Variants in TAF4B observed in about 807,000 individuals in gnomAD.
TAF4B encodes the protein transcription initiation factor TFIID subunit 4B.
A neutral mutation model predicts 86.4 loss-of-function variants in TAF4B; 38 were observed. That is an observed-to-expected ratio of 0.44 (90% CI 0.34 to 0.58). The LOEUF (loss-of-function observed/expected upper bound fraction) is 0.58. TAF4B is among the 20% of genes least tolerant of loss of function. The pLI, the probability that TAF4B is intolerant of heterozygous loss-of-function variation, is 0.02. For missense variants in TAF4B, 988 were observed against 1,027.6 expected (o/e 0.96, Z 0.53); for synonymous variants, 388 against 391.2 (o/e 0.99, Z 0.10).
chr18:26,384,885 G>A (rs981390661), intron 14 of TAF4B, among the ~76,000 whole-genome samples: 6 of 152,214 alleles, frequency 3.9e-5, no homozygotes, highest in African/African-American at 1.2e-4. Flanking sequence ...TGCCTATGGA[G>A]GAGACAACGA....
At chr18:26,365,304 G>A (rs2057364730) in intron 14 of TAF4B, among the ~76,000 whole-genome samples, 1 of 152,130 alleles carries the variant, frequency 6.6e-6, no homozygotes, top group Admixed American at 6.5e-5. Context: ...ACCGCACCTG[G>A]CCTATAATTC....
chr18:26,238,737 C>G (rs776603722), intron 1 of TAF4B, among the ~76,000 whole-genome samples: 5 of 152,046 alleles, frequency 3.3e-5, no homozygotes, highest in African/African-American at 4.8e-5. Context: ...TGTCCGTCCC[C>G]CTTCCTCCCA....
intron 14 of TAF4B, among the ~76,000 whole-genome samples, chr18:26,386,276 C>A (rs939271484): frequency 1.3e-5 from 2 of 151,980 alleles, no homozygotes; most frequent in African/African-American, 2.4e-5. Flanking sequence ...TGAACTGTGA[C>A]CCCTTTGTTC....
chr18:26,249,408 G>C (rs2055970794), intron 1 of TAF4B, among the ~76,000 whole-genome samples: 1 of 151,810 alleles, frequency 6.6e-6, no homozygotes, highest in Non-Finnish European at 1.5e-5. Context: ...TTGAACCCAG[G>C]AGCAGAGGTT....
At chr18:26,337,424 C>CTTTTTTTTTTTTTTTTTT (rs551888808) in intron 13 of TAF4B, among the ~76,000 whole-genome samples, 4 of 126,142 alleles carry the variant, frequency 3.2e-5, no homozygotes, top group Non-Finnish European at 3.3e-5. Context: ...TTCTTTCTTT[C>CTTTTTTTTTTTTTTTTTT]TTTTTTTTTT....
At chr18:26,228,782 C>T (rs1054362457) in intron 1 of TAF4B, among the ~76,000 whole-genome samples, 1 of 151,932 alleles carries the variant, frequency 6.6e-6, no homozygotes, top group Non-Finnish European at 1.5e-5. Context: ...CCCTCCCCAA[C>T]CCCCCAAAGA....
intron 13 of TAF4B, among the ~76,000 whole-genome samples, chr18:26,346,565 G>T (rs1361498304): frequency 1.3e-5 from 2 of 151,370 alleles, no homozygotes; most frequent in Non-Finnish European, 2.9e-5. Flanking sequence ...TAGTCAAATT[G>T]TGAAGTCAAA....
chr18:26,314,034 C>T (rs2056877676), intron 9 of TAF4B, among the ~76,000 whole-genome samples: 1 of 152,042 alleles, frequency 6.6e-6, no homozygotes, highest in African/African-American at 2.4e-5. Context: ...CCCCTCATCC[C>T]TAATGTGTTG....
At chr18:26,380,972 A>G (rs543923758) in intron 14 of TAF4B, among the ~76,000 whole-genome samples, 16 of 152,062 alleles carry the variant, frequency 1.1e-4, no homozygotes, top group Non-Finnish European at 1.8e-4. Context: ...TTAGTATTCT[A>G]TGCTACGTTG....
intron 1 of TAF4B, among the ~76,000 whole-genome samples, chr18:26,236,872 C>G (rs1010022742): frequency 1.3e-5 from 2 of 152,178 alleles, no homozygotes; most frequent in African/African-American, 4.8e-5. Context: ...ATATCTGCAG[C>G]TGATTGCATA....
intron 3 of TAF4B, among the ~76,000 whole-genome samples, chr18:26,273,385 A>G (rs1012102134): frequency 1.3e-5 from 2 of 152,184 alleles, no homozygotes; most frequent in African/African-American, 4.8e-5. Context: ...TGCAAACAAG[A>G]CTACATGTGA....
At chr18:26,261,172 A>ATTTTTTTTTT (rs71169839) in intron 1 of TAF4B, among the ~76,000 whole-genome samples, 1 of 77,104 alleles carries the variant, frequency 1.3e-5, no homozygotes, top group African/African-American at 5.0e-5. Flanking sequence ...GAGCACTGTC[A>ATTTTTTTTTT]TTTTTTTTTT....
At chr18:26,359,902 G>A (rs1048468428) in intron 14 of TAF4B, among the ~76,000 whole-genome samples, 59 of 149,162 alleles carry the variant, frequency 4.0e-4, no homozygotes, top group Non-Finnish European at 7.4e-4. Flanking sequence ...TTTTTTGGTA[G>A]AGACGGAGTT....
At position 26,274,792 on chromosome 18, in the gene TAF4B, A is replaced by C; in HGVS notation, c.727A>C (p.Asn243His). 1.2e-6 allele frequency: 2 copies of C among 1,614,184 alleles called. No individual in the cohort carries two copies. The highest frequency in any genetic ancestry group is 1.7e-6 in the Non-Finnish European group (2 of 1,180,022). Residue 243 changes from asparagine to histidine, a missense_variant, in exon 4 of 15, where the codon AAC becomes CAC. Asn to His is a moderately conservative substitution (Grantham distance 68, BLOSUM62 1). Transcript: ENST00000269142. ...PSNEPNLKAE[N>H]SAAVQINLSP... ...AAATGAGCCCAATCTTAAAGCAGAG[A>C]ACTCAGCAGCTGTTCAGATTAATCT...
intron 9 of TAF4B, among the ~76,000 whole-genome samples, chr18:26,307,611 T>C (rs2056808069): frequency 6.6e-6 from 1 of 152,210 alleles, no homozygotes; most frequent in African/African-American, 2.4e-5. Flanking sequence ...GAAGGTGTTT[T>C]AACAACTAGG....
chr18:26,308,109 T>C (rs926885468), intron 9 of TAF4B, among the ~76,000 whole-genome samples: 1 of 151,648 alleles, frequency 6.6e-6, no homozygotes, highest in Non-Finnish European at 1.5e-5. Flanking sequence ...CCAAAATTAG[T>C]TGGGCATGGT....
intron 14 of TAF4B, among the ~76,000 whole-genome samples, chr18:26,364,890 A>C (rs2057360318): frequency 6.6e-6 from 1 of 151,964 alleles, no homozygotes; most frequent in East Asian, 1.9e-4. Flanking sequence ...TGCTTATAGT[A>C]TCATTTTAGT....
At chr18:26,250,380 C>T (rs999819265) in intron 1 of TAF4B, among the ~76,000 whole-genome samples, 4 of 151,802 alleles carry the variant, frequency 2.6e-5, no homozygotes, top group Admixed American at 1.3e-4. Context: ...GCCTGTAGTC[C>T]GAGCTACTCG....
At chr18:26,257,634 T>C (rs574835701) in intron 1 of TAF4B, among the ~76,000 whole-genome samples, 16 of 152,336 alleles carry the variant, frequency 1.1e-4, no homozygotes, top group African/African-American at 3.8e-4. Context: ...CTTTTCCTGC[T>C]TTCTTTTGTA....
Sources: gnomAD v4.1 joint callset for allele counts (sites outside exome capture counted in the v4.1 genomes callset) on GRCh38, gnomAD v4.1.1 for gene constraint, MANE v1.5 for transcripts, NCBI Gene and HGNC (gene_info 2026-07-23, HGNC 2026-07-21) for gene names.